Variants in SLC6A2 observed in about 807,000 individuals in gnomAD.
The protein encoded by SLC6A2 is solute carrier family 6 member 2.
SLC6A2 carries 26 observed loss-of-function variants against 71.7 expected under a neutral mutation model. That is an observed-to-expected ratio of 0.36 (90% CI 0.27 to 0.50). The LOEUF is 0.50. Among genes scored for constraint, SLC6A2 ranks in the 20% least tolerant of loss-of-function variants. The pLI is 0.96. For missense variants in SLC6A2, 581 were observed against 803.9 expected (o/e 0.72, Z 3.35); for synonymous variants, 363 against 337.9 (o/e 1.07, Z -0.82).
chr16:55,658,511 C>G (rs1289680728), intron 2 of SLC6A2, among the ~76,000 whole-genome samples: 2 of 151,084 alleles, frequency 1.3e-5, no homozygotes, highest in Admixed American at 1.3e-4. Context: ...CAGAGCAAGA[C>G]TCTGTCTCAA....
At chr16:55,692,866 C>G (rs1965679378) in intron 6 of SLC6A2, among the ~76,000 whole-genome samples, 1 of 152,166 alleles carries the variant, frequency 6.6e-6, no homozygotes, top group Non-Finnish European at 1.5e-5. Context: ...AGACCGGTAA[C>G]CAAGAGAAAA....
chr16:55,678,630 A>G (rs1157383746), intron 4 of SLC6A2, among the ~76,000 whole-genome samples: 1 of 152,180 alleles, frequency 6.6e-6, no homozygotes, highest in Non-Finnish European at 1.5e-5. Flanking sequence ...CCTTTGGTGA[A>G]CATGTGCCTG....
At chr16:55,678,731 G>A (rs1202141507) in intron 4 of SLC6A2, among the ~76,000 whole-genome samples, 3 of 152,208 alleles carry the variant, frequency 2.0e-5, no homozygotes, top group Non-Finnish European at 4.4e-5. Context: ...TAAATATCAA[G>A]TGAGAAATTG....
intron 4 of SLC6A2, among the ~76,000 whole-genome samples, chr16:55,678,667 G>A (rs536005061): frequency 2.6e-5 from 4 of 152,250 alleles, no homozygotes; most frequent in Middle Eastern, 3.4e-3. Context: ...ACCCCATGCC[G>A]GTCCCTGGTG....
At chr16:55,686,388 C>G (rs1395786418) in intron 5 of SLC6A2, among the ~76,000 whole-genome samples, 1 of 152,126 alleles carries the variant, frequency 6.6e-6, no homozygotes, top group African/African-American at 2.4e-5. Context: ...AGCAGACAAG[C>G]CCCAGTGATG....
intron 5 of SLC6A2, among the ~76,000 whole-genome samples, chr16:55,687,302 G>A (rs1332388818): frequency 1.3e-5 from 1 of 78,456 alleles, no homozygotes; most frequent in African/African-American, 4.7e-5. Flanking sequence ...CAATCTCTAA[G>A]TTTATGTGTA....
At chr16:55,691,869 G>T in intron 5 of SLC6A2, 49 bp from the exon 6 acceptor site, 1 of 1,611,082 alleles carries the variant, frequency 6.2e-7, no homozygotes. Context: ...AGCCCGCCAC[G>T]GGATTGGGGC....
chr16:55,664,219 C>T (rs996100084), intron 2 of SLC6A2, among the ~76,000 whole-genome samples: 23 of 152,132 alleles, frequency 1.5e-4, no homozygotes, highest in Non-Finnish European at 2.8e-4. Flanking sequence ...CCGCTCTGGC[C>T]GGTGCTTCCA....
intron 4 of SLC6A2, among the ~76,000 whole-genome samples, chr16:55,675,238 T>C (rs1596972571): frequency 6.6e-6 from 1 of 152,114 alleles, no homozygotes; most frequent in Non-Finnish European, 1.5e-5. Flanking sequence ...CAGGCGTGGG[T>C]CAATTCCATT....
At chr16:55,672,516 G>A (rs548106321) in intron 4 of SLC6A2, among the ~76,000 whole-genome samples, 45 of 152,344 alleles carry the variant, frequency 3.0e-4, no homozygotes, top group African/African-American at 1.0e-3. Flanking sequence ...CAGGTATGTG[G>A]GAAAAATCAA....
intron 4 of SLC6A2, among the ~76,000 whole-genome samples, chr16:55,684,750 G>A (rs1965392980): frequency 6.6e-6 from 1 of 152,186 alleles, no homozygotes; most frequent in African/African-American, 2.4e-5. Context: ...ATCCTCCGGG[G>A]TGGGGGTCAG....
intron 5 of SLC6A2, among the ~76,000 whole-genome samples, chr16:55,691,218 G>C (rs11639789): frequency 2.5e-5 from 3 of 117,796 alleles, no homozygotes; most frequent in Non-Finnish European, 1.8e-5. Context: ...GAGAGGGGGG[G>C]AGGGGAGAGG....
Position 55,702,455 on chromosome 16 carries a change from C to T in SLC6A2, c.*109C>T, listed in dbSNP as rs572565789. On this transcript the variant is annotated 3_prime_UTR_variant, in exon 15 of 15. Coordinates refer to ENST00000568943, the MANE Select transcript of SLC6A2 (RefSeq NM_001172501.3). Reference sequence around the variant, plus strand: ...TGGGATTCCTCCCCTGGAAGTTGTCCTTTCTGATCCTCTCTTCTTTTCCCA... The same window carrying T: ...TGGGATTCCTCCCCTGGAAGTTGTCTTTTCTGATCCTCTCTTCTTTTCCCA... The T allele has an allele frequency of 1.9e-6, 3 of 1,598,514 alleles. No individual in the cohort carries two copies. The East Asian group carries it at 6.8e-5, about 36-fold the overall frequency.
Position 55,703,180 on chromosome 16 carries a change from C to G in SLC6A2, c.*834C>G. ...CATGCTGCTCTTGCTCTGTAAGACA[C>G]GGAGCCCAGAAACCCATCTGCACTT... On this transcript the variant is annotated 3_prime_UTR_variant, in exon 15 of 15. Coordinates refer to ENST00000568943, the MANE Select transcript of SLC6A2 (RefSeq NM_001172501.3). 1 of 985,350 alleles carries G rather than the reference C, an allele frequency of 1.0e-6. No homozygotes were observed. The highest frequency in any genetic ancestry group is 1.2e-6 in the Non-Finnish European group (1 of 829,860). The allele number at this position is 985,350 out of a possible 1,614,324, so 61.0% of individuals were successfully genotyped here.
intron 2 of SLC6A2, among the ~76,000 whole-genome samples, chr16:55,658,300 T>C (rs8052022): frequency 0.049 from 7,523 of 152,112 alleles, 420 homozygotes; most frequent in African/African-American, 0.14. Flanking sequence ...TTGCCTGAGC[T>C]CAGGAGTTCG....
intron 5 of SLC6A2, among the ~76,000 whole-genome samples, chr16:55,691,235 GA>G (rs1567451242): frequency 6.5e-4 from 2 of 3,060 alleles, no homozygotes; most frequent in Non-Finnish European, 2.2e-3. Flanking sequence ...GAGGGGGAGA[GA>G]GAGAGAGAGA....
Position 55,672,155 on chromosome 16 carries a change from G to A in SLC6A2, c.624G>A (p.Thr208=), listed in dbSNP as rs773801761. ...NHTKYSKYKF[T]PAAEFYERGV... is the part of the protein sequence containing the mutation. ...CCAAGTACTCCAAGTACAAGTTCAC[G>A]CCGGCAGCCGAGTTTTATGAGTAAG... Residue 208 remains threonine (T), a synonymous_variant, in exon 4 of 15, where the codon ACG becomes ACA. Transcript: ENST00000568943. 1.2e-4 allele frequency: 201 copies of A among 1,614,058 alleles called. No individual in the cohort carries two copies. The highest frequency in any genetic ancestry group is 1.4e-4 in the Non-Finnish European group (166 of 1,180,032).
chr16:55,659,482 G>C (rs570750082), intron 2 of SLC6A2, among the ~76,000 whole-genome samples: 38 of 152,242 alleles, frequency 2.5e-4, no homozygotes, highest in African/African-American at 8.9e-4. Context: ...TCCCGGGCTT[G>C]CTATCTCAAA....
chr16:55,697,401 ACTCTAAGAGT>A (rs1965832296), intron 9 of SLC6A2, among the ~76,000 whole-genome samples: 1 of 152,196 alleles, frequency 6.6e-6, no homozygotes, highest in Admixed American at 6.5e-5. Flanking sequence ...ACCCTTTCAG[ACTCTAAGAGT>A]CTGGAGTTTG....
Sources: allele counts gnomAD v4.1 joint callset (sites outside exome capture counted in the v4.1 genomes callset), GRCh38; gene constraint gnomAD v4.1.1; transcripts MANE v1.5; gene names NCBI Gene and HGNC (gene_info 2026-07-23, HGNC 2026-07-21).